Variants in FAM149A observed in about 807,000 individuals in gnomAD.
FAM149A encodes the protein family with sequence similarity 149 member A.
FAM149A carries 71 observed loss-of-function variants against 78.2 expected under a neutral mutation model. The observed-to-expected ratio is 0.91, with a 90% CI of 0.75 to 1.11. FAM149A has a LOEUF of 1.11. Ranked by LOEUF, FAM149A falls within the 50% of genes least tolerant of loss-of-function variation. The probability of loss-of-function intolerance (pLI) is 0.00; values close to 1 mark genes in which losing one functional copy is unlikely to be tolerated. For missense variants in FAM149A, 1,036 were observed against 971.0 expected (o/e 1.07, Z -0.89); for synonymous variants, 446 against 410.5 (o/e 1.09, Z -1.04).
intron 3 of FAM149A, among the ~76,000 whole-genome samples, chr4:186,150,631 G>C (rs1365000230): frequency 7.0e-6 from 1 of 142,826 alleles, no homozygotes; most frequent in South Asian, 2.4e-4. Context: ...GTGTTAGCCA[G>C]GATGGTCTCG....
Position 186,162,879 on chromosome 4 carries a change from T to G in FAM149A, c.1610T>G (p.Met537Arg), listed in dbSNP as rs1734724245. The G allele has an allele frequency of 6.3e-7, 1 of 1,585,700 alleles. No homozygotes were observed. Among genetic ancestry groups the G allele is most frequent in the Non-Finnish European group, 8.6e-7 (1 of 1,161,738 alleles). The stretch of plus-strand genomic sequence containing the variant: ...TTCTCCAGCAGTTTTTATAGTGACA[T>G]GAATGGTGTCATGACAATTCAAGCA... Residue 537 changes from methionine to arginine, a missense_variant, in exon 9 of 14, where the codon ATG (methionine) becomes AGG (arginine). Met to Arg is a moderately conservative substitution (Grantham distance 91). Around this residue, in one of 3 missense-constraint regions of FAM149A, gnomAD observed 716 missense variants for 711.8 expected, o/e 1.01. Coordinates refer to ENST00000389354, the MANE Select transcript of FAM149A (RefSeq NM_001367768.3).
At chr4:186,137,843 A>G (rs2099324138) in intron 1 of FAM149A, among the ~76,000 whole-genome samples, 2 of 151,566 alleles carry the variant, frequency 1.3e-5, no homozygotes. Context: ...CACTTAGGTA[A>G]TTTTTAAATA....
rs372638852 is a variant in FAM149A, at chr4:186,164,629, C to T, written c.1890-715C>T. 1 of 312,030 alleles carries T rather than the reference C, an allele frequency of 3.2e-6. No individual in the cohort carries two copies. The highest frequency in any genetic ancestry group is 4.7e-6 in the Non-Finnish European group (1 of 214,246). The allele number at this position is 312,030 out of a possible 1,614,324, so 19.3% of individuals were successfully genotyped here. On this transcript the variant is annotated intron_variant, in intron 10 of 13. Transcript: ENST00000389354. This position sits in a 1 kb window ranked among gnomAD's most constrained non-coding sequence, Gnocchi z 4.0. The stretch of plus-strand genomic sequence containing the variant: ...CTCTCCCTCCTCCGCCTCGCTTCCC[C>T]CCATGCCAGTCAGCAGCACACGGTG...
intron 13 of FAM149A, among the ~76,000 whole-genome samples, chr4:186,168,679 G>A (rs1161899254): frequency 3.9e-5 from 6 of 152,204 alleles, no homozygotes; most frequent in Non-Finnish European, 7.3e-5. Flanking sequence ...TAACACGATT[G>A]TAGGTGCTTG....
intron 7 of FAM149A, among the ~76,000 whole-genome samples, chr4:186,157,231 G>C (rs1734105384): frequency 6.6e-6 from 1 of 152,174 alleles, no homozygotes. Context: ...GGACATTAAT[G>C]ACCAGTTTTA....
At chr4:186,168,774 C>G (rs1480507844) in intron 13 of FAM149A, among the ~76,000 whole-genome samples, 2 of 152,172 alleles carry the variant, frequency 1.3e-5, no homozygotes, top group African/African-American at 4.8e-5. Context: ...ATGCCAAAGG[C>G]TGGGATTCAA....
Position 186,151,937 on chromosome 4 carries a change from G to T in FAM149A, c.824G>T (p.Arg275Leu). 6.2e-7 allele frequency: 1 copy of T among 1,614,080 alleles called. No homozygotes were observed. Reference sequence around the variant, plus strand: ...GAAGCCAGTTCACAGTCAGTGCAGCGGTTACTCTGGGAGGTGGAGGAAATG... The same window carrying T: ...GAAGCCAGTTCACAGTCAGTGCAGCTGTTACTCTGGGAGGTGGAGGAAATG... Residue 275 changes from arginine (R) to leucine (L), a missense_variant, in exon 4 of 14, where the codon CGG (arginine) becomes CTG (leucine). Around this residue, in one of 3 missense-constraint regions of FAM149A, gnomAD observed 716 missense variants for 711.8 expected, o/e 1.01. Coordinates refer to ENST00000389354, the MANE Select transcript of FAM149A (RefSeq NM_001367768.3).
intron 1 of FAM149A, chr4:186,131,862 C>A: frequency 1.0e-6 from 1 of 981,202 alleles, no homozygotes; most frequent in Non-Finnish European, 1.2e-6. Context: ...AAATTAAGAA[C>A]TTCTGTTAAT....
intron 1 of FAM149A, among the ~76,000 whole-genome samples, chr4:186,136,472 T>C (rs978155587): frequency 6.6e-6 from 1 of 152,208 alleles, no homozygotes; most frequent in South Asian, 2.1e-4. Flanking sequence ...TAATAATTAC[T>C]CTCCGTGATA....
Position 186,172,133 on chromosome 4 carries a change from TA to T in FAM149A, c.*148del. The stretch of plus-strand genomic sequence containing the variant: ...GAGAAAAGCAAACAAATAAATCACT[TA>T]ATCTTGAACACTTTGCACTGTAAAG... On this transcript the variant is annotated 3_prime_UTR_variant, in exon 14 of 14. Coordinates refer to ENST00000389354, the MANE Select transcript of FAM149A (RefSeq NM_001367768.3). The T allele has an allele frequency of 8.0e-7, 1 of 1,252,622 alleles. No homozygotes were observed. The highest frequency in any genetic ancestry group is 2.0e-4 in the Middle Eastern group (1 of 5,124). 77.6% of individuals were successfully genotyped at this position (1,252,622 alleles called of 1,614,324 possible).
intron 1 of FAM149A, chr4:186,126,032 T>C (rs2126321265): frequency 2.0e-6 from 2 of 985,418 alleles, no homozygotes; most frequent in Non-Finnish European, 2.4e-6. Flanking sequence ...TCCTCCCTTA[T>C]ATTCCTGTTT....
chr4:186,116,617 CAG>C lies in FAM149A; in HGVS notation c.566+10978_566+10979del, dbSNP rs201747192. ...TAAATTTTTTTTTTTTAATTTGAGA[CAG>C]AGTCTCACTCTGTCACCAGGCTGGC... is the stretch of plus-strand genomic sequence containing the variant. On this transcript the variant is annotated intron_variant, in intron 1 of 13. Coordinates refer to ENST00000389354, the MANE Select transcript of FAM149A (RefSeq NM_001367768.3). 8.9e-3 allele frequency: 8,698 copies of C among 974,122 alleles called. 586 individuals carry two copies. In the African/African-American group the frequency reaches 0.14, roughly 16 times the overall value. The allele number at this position is 974,122 out of a possible 1,614,324, so 60.3% of individuals were successfully genotyped here. A position where few individuals can be genotyped will look rare whatever the true frequency, so the allele number is the denominator to read the frequency against.
intron 1 of FAM149A, chr4:186,146,346 T>C (rs1056064987): frequency 1.2e-5 from 4 of 347,158 alleles, no homozygotes; most frequent in African/African-American, 8.9e-5. Flanking sequence ...TCGTAATAAT[T>C]GGTGTGACTG....
chr4:186,146,709 G>A (rs577614492), intron 1 of FAM149A: 1 of 848,844 alleles, frequency 1.2e-6, no homozygotes, highest in African/African-American at 1.8e-5. Flanking sequence ...CCATTTGGGG[G>A]AATATCAGCT....
chr4:186,157,767 T>C (rs779263349), intron 8 of FAM149A, 48 bp downstream of exon 8: 17 of 1,580,120 alleles, frequency 1.1e-5, no homozygotes, highest in Non-Finnish European at 1.5e-5. Context: ...TCTGTGTGTC[T>C]GTCACCTCAG....
chr4:186,169,573 CCT>C, intron 13 of FAM149A: 1 of 985,442 alleles, frequency 1.0e-6, no homozygotes, highest in Middle Eastern at 5.2e-4. Context: ...CAGGGAGTCG[CCT>C]CTCTGGCCAC....
In FAM149A at chr4:186,154,653, A is replaced by T; in HGVS notation, c.1229+15A>T. The T allele has an allele frequency of 5.0e-6, 8 of 1,606,558 alleles. No homozygotes were observed. Among genetic ancestry groups the T allele is most frequent in the Non-Finnish European group, 6.8e-6 (8 of 1,174,150 alleles). ...AGAAAAGAGGAGTAAATAGAATCTT[A>T]TTTGACATTGACCTCATAAAATAAT... On this transcript the variant is annotated intron_variant, in intron 6 of 13. Coordinates refer to ENST00000389354, the MANE Select transcript of FAM149A (RefSeq NM_001367768.3).
intron 7 of FAM149A, 122 bp from the exon 8 acceptor site, chr4:186,157,443 A>G: frequency 1.1e-6 from 1 of 946,938 alleles, no homozygotes; most frequent in Non-Finnish European, 1.6e-6. Flanking sequence ...TAACATGTGG[A>G]GTGGCCGTAG....
In FAM149A at chr4:186,121,788, T is replaced by G. The variant is rs372749862; in HGVS notation, c.566+16146T>G. On this transcript the variant is annotated intron_variant, in intron 1 of 13. Coordinates refer to ENST00000389354, the MANE Select transcript of FAM149A (RefSeq NM_001367768.3). The stretch of plus-strand genomic sequence containing the variant: ...TTCTCTCTTCTGACCCTGTTGAAGT[T>G]CTGCTTCTGCTCTTTTGTCTCTGTC... Among the ~76,000 whole-genome samples, 11 of 152,344 alleles carry G rather than the reference T, an allele frequency of 7.2e-5. No homozygotes were observed. In the East Asian group the frequency reaches 1.9e-3, roughly 27 times the overall value.
Sources: gnomAD v4.1 joint callset for allele counts (sites outside exome capture counted in the v4.1 genomes callset) on GRCh38, gnomAD v4.1.1 for gene constraint, gnomAD v4.1.1 regional missense constraint, Gnocchi (gnomAD v3.1) non-coding constraint, MANE v1.5 for transcripts, NCBI Gene and HGNC (gene_info 2026-07-23, HGNC 2026-07-21) for gene names.